ADCY2: variants seen among roughly 807,000 people sequenced by gnomAD.
ADCY2 encodes the protein adenylate cyclase 2.
In ADCY2, 31 loss-of-function variants were observed where a neutral mutation model predicts 125.2. The ratio of observed to expected loss-of-function variants is 0.25; its 90% confidence interval spans 0.19 to 0.33. ADCY2 has a LOEUF of 0.33. Among genes scored for constraint, ADCY2 ranks in the 10% least tolerant of loss-of-function variants. The pLI is 1.00. For missense variants in ADCY2, 904 were observed against 1,418.2 expected, an observed-to-expected ratio of 0.64 and a Z score of 5.82; for synonymous variants, 512 against 548.4, an observed-to-expected ratio of 0.93 and a Z score of 0.93.
chr5:7,508,039 T>C (rs1190461345), intron 2 of ADCY2, among the ~76,000 whole-genome samples: 1 of 152,188 alleles, frequency 6.6e-6, no homozygotes, highest in Non-Finnish European at 1.5e-5. Flanking sequence ...TTGTGTAATA[T>C]TTCACTTTTT....
chr5:7,724,529 C>A lies in ADCY2; in HGVS notation c.1704-16C>A. 1 of 1,599,794 alleles carries A rather than the reference C, an allele frequency of 6.3e-7. No individual in the cohort carries two copies. The highest frequency in any genetic ancestry group is 8.5e-7 in the Non-Finnish European group (1 of 1,169,974). ...GAGATTCAGTTTTATGATGTGTTGG[C>A]CCTTTCTATTTCCAGGCAATGGCTC... On this transcript the variant is annotated splice_polypyrimidine_tract_variant and intron_variant, in intron 12 of 24. Transcript: ENST00000338316.
rs200080625 is a variant in ADCY2, at chr5:7,643,079, A to AT, written c.720+16772dup. ...CTTTGTCTACAGAGACTGTGGTAGG[A>AT]TTTTTTTTTCAGATTTTCAAATGTA... On this transcript the variant is annotated intron_variant, in intron 4 of 24. Transcript: ENST00000338316. 3.4e-3 allele frequency among the ~76,000 whole-genome samples: 513 copies of AT among 150,670 alleles called. 6 individuals carry two copies. The highest frequency in any genetic ancestry group is 0.011 in the African/African-American group (471 of 41,064).
At chr5:7,770,903 T>C (rs185530590) in intron 17 of ADCY2, among the ~76,000 whole-genome samples, 58 of 152,312 alleles carry the variant, frequency 3.8e-4, no homozygotes, top group Admixed American at 2.0e-3. Flanking sequence ...AAAAATGTAA[T>C]GGTGAATTAC....
At position 7,802,395 on chromosome 5, in the gene ADCY2, G is replaced by A. The variant is rs770926520; in HGVS notation, c.2775+31G>A. The A allele has an allele frequency of 6.2e-7, 1 of 1,608,926 alleles. No homozygotes were observed. On this transcript the variant is annotated intron_variant, in intron 21 of 24. Transcript: ENST00000338316. This position sits in a 1 kb window ranked among gnomAD's most constrained non-coding sequence, Gnocchi z 4.6. ...TACTGAGAGTTGCCCTCGAAGGGCA[G>A]CAGTACACTCAGTCTCACACCTGTG...
At chr5:7,766,351 T>G (rs1309636007) in intron 16 of ADCY2, among the ~76,000 whole-genome samples, 2 of 151,692 alleles carry the variant, frequency 1.3e-5, no homozygotes, top group Non-Finnish European at 2.9e-5. Flanking sequence ...TGGTAGAGAG[T>G]TGAATGTATA....
In ADCY2 at chr5:7,820,756, G is replaced by A. The variant is rs1029836238; in HGVS notation, c.3123+67G>A. 1.1e-5 allele frequency: 16 copies of A among 1,510,126 alleles called. No individual in the cohort carries two copies. In the African/African-American group the frequency reaches 2.0e-4, roughly 19 times the overall value. 93.5% of individuals were successfully genotyped at this position (1,510,126 alleles called of 1,614,324 possible). On this transcript the variant is annotated intron_variant, in intron 24 of 24. Coordinates refer to ENST00000338316, the MANE Select transcript of ADCY2 (RefSeq NM_020546.3). ...CTGTTCTCTTGGGAACCATAAATAA[G>A]TATAATAAGGATACTAATATATTAA...
chr5:7,639,763 CTTG>C (rs1361520956), intron 4 of ADCY2, among the ~76,000 whole-genome samples: 3 of 152,176 alleles, frequency 2.0e-5, no homozygotes, highest in Non-Finnish European at 4.4e-5. Context: ...ACTTGGTCAT[CTTG>C]AAACTTCAAA....
chr5:7,420,676 C>T (rs1740166727), intron 2 of ADCY2, among the ~76,000 whole-genome samples: 2 of 152,196 alleles, frequency 1.3e-5, no homozygotes, highest in South Asian at 4.1e-4. Context: ...TCTTTTAAAA[C>T]AATATAACCT....
At chr5:7,615,497 G>T (rs1737724675) in intron 3 of ADCY2, among the ~76,000 whole-genome samples, 1 of 152,180 alleles carries the variant, frequency 6.6e-6, no homozygotes, top group Non-Finnish European at 1.5e-5. Flanking sequence ...AGCACAGAAA[G>T]GAAGTATCTG....
chr5:7,751,977 C>G lies in ADCY2; in HGVS notation c.1957-5472C>G, dbSNP rs530532278. Among the ~76,000 whole-genome samples the G allele has an allele frequency of 1.2e-4, 19 of 152,266 alleles. 1 individual carries two copies. The East Asian group carries it at 3.3e-3, about 26-fold the overall frequency. ...ACGAGTTCCTACCATTTAACAAACACTATACTGGCCTCTGGGAAAACAGAG... is the reference window on the plus strand; with the variant it reads ...ACGAGTTCCTACCATTTAACAAACAGTATACTGGCCTCTGGGAAAACAGAG... On this transcript the variant is annotated intron_variant, in intron 15 of 24. Coordinates refer to ENST00000338316, the MANE Select transcript of ADCY2 (RefSeq NM_020546.3).
At chr5:7,606,154 TG>T (rs1561121593) in intron 3 of ADCY2, among the ~76,000 whole-genome samples, 1 of 152,186 alleles carries the variant, frequency 6.6e-6, no homozygotes, top group Non-Finnish European at 1.5e-5. Context: ...TTTCTTGATC[TG>T]GGTGTTGTTT....
At chr5:7,655,468 G>A (rs1212036622) in intron 4 of ADCY2, among the ~76,000 whole-genome samples, 1 of 152,152 alleles carries the variant, frequency 6.6e-6, no homozygotes. Context: ...CCCAGCTCAC[G>A]AGAAAAAGAC....
At chr5:7,404,710 A>C (rs1202258134) in intron 1 of ADCY2, among the ~76,000 whole-genome samples, 1 of 152,210 alleles carries the variant, frequency 6.6e-6, no homozygotes, top group African/African-American at 2.4e-5. Context: ...ATAAAACTTA[A>C]TGACTGGAAA....
chr5:7,435,135 C>T (rs972633576), intron 2 of ADCY2, among the ~76,000 whole-genome samples: 1 of 152,166 alleles, frequency 6.6e-6, no homozygotes, highest in Non-Finnish European at 1.5e-5. Flanking sequence ...ATCACTGTCA[C>T]ACTATGTGGT....
At chr5:7,622,655 G>A (rs1445689805) in intron 3 of ADCY2, among the ~76,000 whole-genome samples, 2 of 152,218 alleles carry the variant, frequency 1.3e-5, no homozygotes, top group Non-Finnish European at 2.9e-5. Context: ...CAGTTGGAGA[G>A]CATTGGCTGG....
intron 8 of ADCY2, 95 bp from the exon 9 acceptor site, chr5:7,707,611 G>T (rs1741304246): frequency 2.7e-6 from 4 of 1,458,946 alleles, no homozygotes; most frequent in Non-Finnish European, 9.4e-7. Context: ...AAGAACTTTA[G>T]TGGATAAATT....
chr5:7,549,248 AGTGG>A (rs1422711774), intron 3 of ADCY2, among the ~76,000 whole-genome samples: 2 of 152,146 alleles, frequency 1.3e-5, no homozygotes, highest in Non-Finnish European at 2.9e-5. Context: ...TGTTGTGGAT[AGTGG>A]GCTGCAGTTC....
chr5:7,598,570 T>C (rs1010907157), intron 3 of ADCY2, among the ~76,000 whole-genome samples: 5 of 152,212 alleles, frequency 3.3e-5, no homozygotes, highest in Non-Finnish European at 5.9e-5. Context: ...GTCTTCATTA[T>C]ACATAGGGTA....
chr5:7,637,324 G>A (rs1738543918), intron 4 of ADCY2, among the ~76,000 whole-genome samples: 1 of 151,484 alleles, frequency 6.6e-6, no homozygotes, highest in African/African-American at 2.4e-5. Flanking sequence ...ACAAAAATTA[G>A]CCAGATGTGG....
Sources: gnomAD v4.1 joint callset for allele counts (sites outside exome capture counted in the v4.1 genomes callset) on GRCh38, gnomAD v4.1.1 for gene constraint, Gnocchi (gnomAD v3.1) non-coding constraint, MANE v1.5 for transcripts, NCBI Gene and HGNC (gene_info 2026-07-23, HGNC 2026-07-21) for gene names.